Variants in WWOX observed in about 807,000 individuals in gnomAD.
The protein encoded by WWOX is WW domain containing oxidoreductase, also known as WW domain-containing oxidoreductase.
A neutral mutation model predicts 46.2 loss-of-function variants in WWOX; 69 were observed. The ratio of observed to expected loss-of-function variants is 1.49; its 90% confidence interval spans 1.23 to 1.82. The LOEUF is 1.82. Among genes scored for constraint, WWOX ranks in the 40% most tolerant of loss-of-function variants. WWOX has a pLI of 0.00. For synonymous variants in WWOX, 359 were observed against 202.6 expected (o/e 1.77, Z -6.56); for missense variants, 919 against 542.6 (o/e 1.69, Z -6.89).
At chr16:79,165,568 G>T (rs2050577281) in intron 8 of WWOX, among the ~76,000 whole-genome samples, 1 of 152,182 alleles carries the variant, frequency 6.6e-6, no homozygotes, top group Non-Finnish European at 1.5e-5. Flanking sequence ...CTGGGGTGCA[G>T]TTGTATTCTG....
At position 78,800,368 on chromosome 16, in the gene WWOX, C is replaced by T. The variant is rs2050854693; in HGVS notation, c.1056+367616C>T. On this transcript the variant is annotated intron_variant, in intron 8 of 8. Coordinates refer to ENST00000566780, the MANE Select transcript of WWOX (RefSeq NM_016373.4). ...ACAAATATGTTGCTTTAAAATTCCGCTTGGAATAGAGTGACCAGCTGTCGT... is the reference window on the plus strand; with the variant it reads ...ACAAATATGTTGCTTTAAAATTCCGTTTGGAATAGAGTGACCAGCTGTCGT... 2.0e-5 allele frequency among the ~76,000 whole-genome samples: 3 copies of T among 152,220 alleles called. No homozygotes were observed. The South Asian group carries it at 6.2e-4, about 32-fold the overall frequency.
At chr16:78,190,579 A>G (rs2035854586) in intron 5 of WWOX, among the ~76,000 whole-genome samples, 2 of 152,122 alleles carry the variant, frequency 1.3e-5, no homozygotes, top group African/African-American at 2.4e-5. Context: ...TTGTGCACAC[A>G]TATTCGTAGG....
intron 5 of WWOX, among the ~76,000 whole-genome samples, chr16:78,314,446 CT>C (rs1459961603): frequency 6.7e-6 from 1 of 149,488 alleles, no homozygotes; most frequent in Non-Finnish European, 1.5e-5. Context: ...CGTAGGACCC[CT>C]GAACATTTAT....
intron 8 of WWOX, among the ~76,000 whole-genome samples, chr16:78,654,756 C>T (rs531544292): frequency 3.3e-5 from 5 of 152,024 alleles, no homozygotes; most frequent in African/African-American, 1.2e-4. Context: ...TCTTAACCTA[C>T]ATCCTAATTA....
At chr16:78,589,358 C>G (rs1301773001) in intron 8 of WWOX, among the ~76,000 whole-genome samples, 1 of 152,198 alleles carries the variant, frequency 6.6e-6, no homozygotes, top group Non-Finnish European at 1.5e-5. Flanking sequence ...TTACCTGATT[C>G]ATCTAGTTGT....
chr16:78,188,487 CAAAA>C (rs11325655), intron 5 of WWOX, among the ~76,000 whole-genome samples: 3 of 104,156 alleles, frequency 2.9e-5, no homozygotes, highest in Admixed American at 2.0e-4. Context: ...GACTCTGTCT[CAAAA>C]AAAAAAAAAA....
chr16:78,680,595 G>T (rs146852632), intron 8 of WWOX, among the ~76,000 whole-genome samples: 1 of 152,176 alleles, frequency 6.6e-6, no homozygotes, highest in Non-Finnish European at 1.5e-5. Flanking sequence ...CAGTGGACAC[G>T]TGGGGCCATT....
chr16:78,455,792 TA>T (rs79273884), intron 8 of WWOX, among the ~76,000 whole-genome samples: 944 of 120,066 alleles, frequency 7.9e-3, no homozygotes, highest in Non-Finnish European at 9.8e-3. Context: ...AGGTGAAGGT[TA>T]AAAAAAAAAA....
In WWOX at chr16:78,843,666, C is replaced by G. The variant is rs554246854; in HGVS notation, c.1057-367942C>G. ...ACACTCATCGAGGAGCAAAATAATT[C>G]ATTCCCTCTCCGTGGCTCAGCATGG... On this transcript the variant is annotated intron_variant, in intron 8 of 8. Coordinates refer to ENST00000566780, the MANE Select transcript of WWOX (RefSeq NM_016373.4). 3.8e-5 allele frequency among the ~76,000 whole-genome samples: 5 copies of G among 132,768 alleles called. 1 individual carries two copies. The South Asian group carries it at 1.3e-3, about 34-fold the overall frequency. 87.1% of individuals were successfully genotyped at this position (132,768 alleles called of 152,430 possible). A position where few individuals can be genotyped will look rare whatever the true frequency, so the allele number is the denominator to read the frequency against.
At chr16:78,889,756 A>G (rs1180808165) in intron 8 of WWOX, among the ~76,000 whole-genome samples, 2 of 152,014 alleles carry the variant, frequency 1.3e-5, no homozygotes, top group Non-Finnish European at 2.9e-5. Context: ...ATAGTTCCCT[A>G]TTTTGTTTTG....
intron 8 of WWOX, among the ~76,000 whole-genome samples, chr16:78,527,450 C>T (rs572863200): frequency 6.6e-6 from 1 of 152,002 alleles, no homozygotes; most frequent in African/African-American, 2.4e-5. Flanking sequence ...TCCACCATCA[C>T]ACCTGGCTAA....
chr16:78,561,363 C>A (rs11640157), intron 8 of WWOX, among the ~76,000 whole-genome samples: 6,835 of 151,990 alleles, frequency 0.045, 271 homozygotes, highest in East Asian at 0.16. Context: ...TCTGACTTTC[C>A]TTGATTTTGA....
chr16:78,664,159 G>A (rs1348093352), intron 8 of WWOX, among the ~76,000 whole-genome samples: 1 of 152,182 alleles, frequency 6.6e-6, no homozygotes, highest in Non-Finnish European at 1.5e-5. Flanking sequence ...CAACTAAGGT[G>A]ACCAGGTGAC....
At chr16:78,846,042 A>T (rs527443691) in intron 8 of WWOX, among the ~76,000 whole-genome samples, 11 of 152,336 alleles carry the variant, frequency 7.2e-5, no homozygotes, top group African/African-American at 1.9e-4. Flanking sequence ...GATGGAAAGC[A>T]TGGAGTTTGG....
chr16:78,921,609 A>T (rs1205379744), intron 8 of WWOX, among the ~76,000 whole-genome samples: 1 of 152,202 alleles, frequency 6.6e-6, no homozygotes, highest in Non-Finnish European at 1.5e-5. Context: ...ACTGGAGCTC[A>T]GGGAGGTTAC....
chr16:78,298,842 G>C (rs757700625), intron 5 of WWOX, among the ~76,000 whole-genome samples: 8 of 151,618 alleles, frequency 5.3e-5, no homozygotes, highest in Non-Finnish European at 1.0e-4. Flanking sequence ...GATTAAGCAA[G>C]ACCATGCATT....
rs137860911 is a variant in WWOX at position 78,110,596 on chromosome 16, G to C, written c.230+761G>C. On this transcript the variant is annotated intron_variant, in intron 3 of 8. Transcript: ENST00000566780. Reference sequence around the variant, plus strand: ...ATGTATTGAGCATCCTTATCTGTAAGACTTTTTCACCTCTCTGATTCTGTC... The same window carrying C: ...ATGTATTGAGCATCCTTATCTGTAACACTTTTTCACCTCTCTGATTCTGTC... Among the ~76,000 whole-genome samples, 12 of 152,228 alleles carry C rather than the reference G, an allele frequency of 7.9e-5. No individual in the cohort carries two copies. The East Asian group carries it at 2.3e-3, about 29-fold the overall frequency.
intron 5 of WWOX, among the ~76,000 whole-genome samples, chr16:78,316,974 T>C (rs2095145993): frequency 6.6e-6 from 1 of 152,226 alleles, no homozygotes; most frequent in African/African-American, 2.4e-5. Flanking sequence ...GACATTTGGC[T>C]GAATGCTGGA....
chr16:78,610,258 G>C (rs1178202174), intron 8 of WWOX, among the ~76,000 whole-genome samples: 1 of 152,102 alleles, frequency 6.6e-6, no homozygotes, highest in African/African-American at 2.4e-5. Flanking sequence ...ATTCTTCCCA[G>C]AGATATGAAG....
Sources: allele counts gnomAD v4.1 joint callset (sites outside exome capture counted in the v4.1 genomes callset), GRCh38; gene constraint gnomAD v4.1.1; transcripts MANE v1.5; gene names NCBI Gene and HGNC (gene_info 2026-07-23, HGNC 2026-07-21).